The following GRIA3 variants were observed in gnomAD, a reference collection of about 807,000 sequenced individuals.
GRIA3 encodes glutamate receptor 3.
A neutral mutation model predicts 63.0 loss-of-function variants in GRIA3; 3 were observed. The ratio of observed to expected loss-of-function variants is 0.05; its 90% CI spans 0.02 to 0.12. The LOEUF (loss-of-function observed/expected upper bound fraction) is 0.12. Among genes scored for constraint, GRIA3 ranks in the 10% least tolerant of loss-of-function variants. The pLI, the probability that GRIA3 is intolerant of heterozygous loss-of-function variation, is 1.00. For missense variants in GRIA3, 347 were observed against 700.9 expected, an observed-to-expected ratio of 0.50 and a Z score of 5.70; for synonymous variants, 274 against 257.9, an observed-to-expected ratio of 1.06 and a Z score of -0.60.
intron 2 of GRIA3, among the ~76,000 whole-genome samples, chrX:123,250,247 G>A (rs185153267): frequency 2.5e-4 from 28 of 111,029 alleles, no homozygotes; most frequent in Non-Finnish European, 1.3e-4. Flanking sequence ...CTTTATAGGT[G>A]TTCATTATAG....
chrX:123,411,264 A>G (rs1049829371), intron 10 of GRIA3, among the ~76,000 whole-genome samples: 1 of 111,955 alleles, frequency 8.9e-6, no homozygotes, highest in Non-Finnish European at 1.9e-5. Context: ...CTTGGATAAC[A>G]TATAGTACAT....
chrX:123,266,882 T>TAC (rs1263741882), intron 3 of GRIA3, among the ~76,000 whole-genome samples: 1 of 109,947 alleles, frequency 9.1e-6, no homozygotes, highest in Non-Finnish European at 1.9e-5. Flanking sequence ...ATTCCCCCCA[T>TAC]ACACACACAC....
At chrX:123,216,059 T>C (rs754064571) in intron 2 of GRIA3, among the ~76,000 whole-genome samples, 1 of 111,998 alleles carries the variant, frequency 8.9e-6, no homozygotes, top group Admixed American at 9.4e-5. Context: ...CGAAAATAAG[T>C]GAAAACTTGG....
chrX:123,202,563 C>T (rs969305357), intron 2 of GRIA3: 2 of 1,026,267 alleles, frequency 1.9e-6, no homozygotes, highest in Non-Finnish European at 2.7e-6. Context: ...TCTTGAAGTG[C>T]CCCCTTTCCA....
At chrX:123,402,943 A>G in intron 7 of GRIA3, 51 bp from the exon 8 acceptor site, 2 of 655,814 alleles carry the variant, frequency 3.0e-6, no homozygotes, top group South Asian at 4.3e-5. Context: ...GAGACTTAGA[A>G]GGCAATAATG....
intron 7 of GRIA3, among the ~76,000 whole-genome samples, chrX:123,402,528 A>G (rs1288648486): frequency 1.8e-5 from 2 of 110,654 alleles, no homozygotes; most frequent in Non-Finnish European, 1.9e-5. Flanking sequence ...AGGTCATTCA[A>G]TTAATAATTG....
intron 4 of GRIA3, among the ~76,000 whole-genome samples, chrX:123,337,297 C>T (rs1479571981): frequency 1.8e-5 from 2 of 111,411 alleles, no homozygotes; most frequent in Non-Finnish European, 3.8e-5. Flanking sequence ...TCTTGCCTTC[C>T]GTAGTGGGAT....
intron 6 of GRIA3, among the ~76,000 whole-genome samples, chrX:123,397,771 A>G (rs759039241): frequency 8.9e-6 from 1 of 112,341 alleles, no homozygotes; most frequent in Non-Finnish European, 1.9e-5. Flanking sequence ...TAAAAAGTCA[A>G]CAACATTCTA....
intron 12 of GRIA3, among the ~76,000 whole-genome samples, chrX:123,448,265 T>C (rs187966933): frequency 4.7e-4 from 53 of 112,092 alleles, no homozygotes; most frequent in African/African-American, 1.5e-3. Flanking sequence ...CCCATACAAA[T>C]AACACAGCTT....
rs1265345420 is a variant in GRIA3 at position 123,326,127 on chromosome X, C to G, written c.610C>G (p.Arg204Gly). 8.3e-7 allele frequency: 1 copy of G among 1,204,592 alleles called. No individual in the cohort carries two copies. Among genetic ancestry groups the G allele is most frequent in the African/African-American group, 1.8e-5 (1 of 56,980 alleles). Residue 204 changes from arginine to glycine, a missense_variant, in exon 4 of 16, where the codon CGC becomes GGC. This residue lies in a region of GRIA3 where 113 missense variants were observed against 130.6 expected (regional missense o/e 0.87). Coordinates refer to ENST00000620443, the MANE Select transcript of GRIA3 (RefSeq NM_007325.5). ...CATAAAGGACGTCCAAGAATTCAGG[C>G]GCATCATTGAAGAAATGGACAGGAG... ...GNIKDVQEFR[R>G]IIEEMDRRQE...
chrX:123,377,035 C>A (rs372292656), intron 5 of GRIA3, among the ~76,000 whole-genome samples: 33 of 106,257 alleles, frequency 3.1e-4, no homozygotes, highest in African/African-American at 1.1e-3. Flanking sequence ...CCCGGGTTCA[C>A]GCCATTCTCC....
At chrX:123,225,810 G>C (rs2044243559) in intron 2 of GRIA3, among the ~76,000 whole-genome samples, 1 of 111,330 alleles carries the variant, frequency 9.0e-6, no homozygotes, top group Non-Finnish European at 1.9e-5. Flanking sequence ...TGGGACCTTA[G>C]AGGCTTAATT....
intron 3 of GRIA3, among the ~76,000 whole-genome samples, chrX:123,302,814 T>A (rs1454514325): frequency 9.0e-6 from 1 of 111,115 alleles, no homozygotes; most frequent in Non-Finnish European, 1.9e-5. Context: ...AATATCTTGA[T>A]AAGGTCAGAG....
intron 2 of GRIA3, among the ~76,000 whole-genome samples, chrX:123,209,780 G>T (rs1927990823): frequency 9.0e-6 from 1 of 111,164 alleles, no homozygotes. Context: ...GGGAGAAAAA[G>T]GTTAACAAAT....
At chrX:123,232,559 A>G (rs2044281528) in intron 2 of GRIA3, among the ~76,000 whole-genome samples, 1 of 111,530 alleles carries the variant, frequency 9.0e-6, no homozygotes, top group Non-Finnish European at 1.9e-5. Context: ...TGTATTTAAT[A>G]CCACTGAACT....
intron 12 of GRIA3, among the ~76,000 whole-genome samples, chrX:123,440,458 A>C (rs1250005601): frequency 8.9e-6 from 1 of 112,132 alleles, no homozygotes; most frequent in Non-Finnish European, 1.9e-5. Flanking sequence ...ACCAGCATCT[A>C]CTATTTTTTG....
At chrX:123,408,413 A>C (rs1397679525) in intron 10 of GRIA3, among the ~76,000 whole-genome samples, 3 of 112,176 alleles carry the variant, frequency 2.7e-5, no homozygotes. Context: ...GACATTACAC[A>C]CAGTGACATA....
At position 123,292,607 on chromosome X, in the gene GRIA3, C is replaced by T. The variant is rs549922686; in HGVS notation, c.509-33419C>T. Among the ~76,000 whole-genome samples the T allele has an allele frequency of 4.5e-5, 5 of 111,523 alleles. No homozygotes were observed. In the East Asian group the frequency reaches 1.4e-3, roughly 32 times the overall value. On this transcript the variant is annotated intron_variant, in intron 3 of 15. Coordinates refer to ENST00000620443, the MANE Select transcript of GRIA3 (RefSeq NM_007325.5). The stretch of plus-strand genomic sequence containing the variant: ...TCTCCAAGGAAAGATAAATAAACGG[C>T]TCTCACAAAAGAACGAGTCTTTGCT...
intron 3 of GRIA3, among the ~76,000 whole-genome samples, chrX:123,294,092 A>T (rs973229006): frequency 9.0e-6 from 1 of 110,929 alleles, no homozygotes; most frequent in African/African-American, 3.3e-5. Flanking sequence ...ATCATGGACA[A>T]AGTACTGGGC....
Sources: gnomAD v4.1 joint callset for allele counts (sites outside exome capture counted in the v4.1 genomes callset) on GRCh38, gnomAD v4.1.1 for gene constraint, gnomAD v4.1.1 regional missense constraint, MANE v1.5 for transcripts, NCBI Gene and HGNC (gene_info 2026-07-23, HGNC 2026-07-21) for gene names.